The following CD63 variants were observed in gnomAD, a reference collection of about 807,000 sequenced individuals.
CD63 encodes the protein CD63 antigen.
In CD63, 16 loss-of-function variants were observed where a neutral mutation model predicts 29.2. The observed-to-expected ratio is 0.55, with a 90% CI of 0.37 to 0.83. The LOEUF (loss-of-function observed/expected upper bound fraction) is 0.83. Ranked by LOEUF, CD63 falls within the 40% of genes least tolerant of loss-of-function variation. The pLI is 0.00. For synonymous variants in CD63, 118 were observed against 111.7 expected, an observed-to-expected ratio of 1.06 and a Z score of -0.36; for missense variants, 251 against 297.3, an observed-to-expected ratio of 0.84 and a Z score of 1.15.
intron 2 of CD63, chr12:55,727,870 G>A: frequency 2.8e-6 from 3 of 1,072,988 alleles, no homozygotes; most frequent in Non-Finnish European, 3.4e-6. Context: ...TCACCCCCAA[G>A]CGCTGGGAGG....
chr12:55,726,189 CG>C lies in CD63; in HGVS notation c.498del (p.Asp167ThrfsTer33), dbSNP rs1565657843. 6.2e-7 allele frequency: 1 copy of C among 1,613,926 alleles called. No homozygotes were observed. Among genetic ancestry groups the C allele is most frequent in the Non-Finnish European group, 8.5e-7 (1 of 1,179,952 alleles). ...KIPSMSKNRV[P>X]DSCCINVTVG... ...ACAGTAACATTAATGCAGCAGGAGT[CG>C]GGGACTCGGTTCTTCGACATGGAAG... On this transcript the variant is annotated frameshift_variant, in exon 6 of 8. Transcript: ENST00000257857. LOFTEE classifies it high-confidence loss of function.
chr12:55,725,828 T>C lies in CD63; in HGVS notation c.636A>G (p.Gly212=), dbSNP rs1592528028. The part of the protein sequence containing the change: ...NVLVVAAAAL[G]IAFVEVLGIV... ...TATCTCTTACCTCGACAAAAGCAAT[T>C]CCAAGGGCTGCTGCAGCTACCACCA... is the stretch of plus-strand genomic sequence containing the variant. Residue 212 remains glycine, a synonymous_variant, in exon 7 of 8, where the codon GGA becomes GGG. Transcript: ENST00000257857. The C allele has an allele frequency of 1.2e-6, 2 of 1,613,840 alleles. No homozygotes were observed. Among genetic ancestry groups the C allele is most frequent in the Non-Finnish European group, 1.7e-6 (2 of 1,179,934 alleles).
chr12:55,727,475 T>C (rs1323309630), intron 2 of CD63, 136 bp from the exon 3 acceptor site: 13 of 1,199,896 alleles, frequency 1.1e-5, no homozygotes, highest in East Asian at 5.3e-5. Flanking sequence ...GGGAATTTCT[T>C]TGGCTGTGGG....
chr12:55,724,473 C>G (rs1877107041), downstream of CD63: 3 of 1,613,930 alleles, frequency 1.9e-6, no homozygotes, highest in Admixed American at 1.7e-5. Context: ...TGCCTGCCTC[C>G]TACCTGCCAG....
downstream of CD63, chr12:55,724,026 A>C (rs774648195): frequency 2.5e-6 from 4 of 1,611,928 alleles, 1 homozygote; most frequent in South Asian, 2.2e-5. Flanking sequence ...CAGGCCCACT[A>C]TGGGGGGGCC....
At chr12:55,726,385 A>G (rs938479124) in intron 5 of CD63, 124 bp from the exon 6 acceptor site, 1 of 887,778 alleles carries the variant, frequency 1.1e-6, no homozygotes, top group Non-Finnish European at 1.6e-6. Flanking sequence ...TCTGTTGCCC[A>G]GACAAGTGCC....
chr12:55,725,502 A>G lies in CD63; in HGVS notation c.*59T>C, dbSNP rs1006691422. ...TCTGAAAAAATAATCCGTTTAATTG[A>G]AAAACCTGGAGGATACTATTCCACT... On this transcript the variant is annotated 3_prime_UTR_variant, in exon 8 of 8. Transcript: ENST00000257857. 1 of 1,363,300 alleles carries G rather than the reference A, an allele frequency of 7.3e-7. No individual in the cohort carries two copies. Among genetic ancestry groups the G allele is most frequent in the African/African-American group, 1.4e-5 (1 of 69,740 alleles). The allele number at this position is 1,363,300 out of a possible 1,614,324, so 84.5% of individuals were successfully genotyped here. A position where few individuals can be genotyped will look rare whatever the true frequency, so the allele number is the denominator to read the frequency against.
downstream of CD63, chr12:55,724,278 G>A (rs376854849): frequency 1.9e-6 from 3 of 1,604,598 alleles, no homozygotes; most frequent in Non-Finnish European, 2.6e-6. Flanking sequence ...AGATGGGCTG[G>A]AGTGAGGAAG....
At chr12:55,723,995 G>A (rs778690681), downstream of CD63, 1 of 1,613,498 alleles carries the variant, frequency 6.2e-7, no homozygotes, top group South Asian at 1.1e-5. Flanking sequence ...GGCCTGCTGG[G>A]CACGGCTGCC....
At position 55,725,764 on chromosome 12, in the gene CD63, C is replaced by A. The variant is rs750833273; in HGVS notation, c.651+49G>T. ...CCCTCCTCCCCTCAGCCCCTTCCCT[C>A]CAGGCACCCTGGACAGAGTCCCAGC... On this transcript the variant is annotated intron_variant, in intron 7 of 7. Coordinates refer to ENST00000257857, the MANE Select transcript of CD63 (RefSeq NM_001780.6). The A allele has an allele frequency of 6.9e-6, 11 of 1,589,154 alleles. No individual in the cohort carries two copies. In the African/African-American group the frequency reaches 9.4e-5, roughly 14 times the overall value.
upstream of CD63, chr12:55,729,022 C>T (rs1877732254): frequency 1.0e-6 from 1 of 985,362 alleles, no homozygotes; most frequent in Non-Finnish European, 1.2e-6. Context: ...CTGCGCCCCC[C>T]GGCTCCCGCC....
Position 55,728,731 on chromosome 12 carries a change from C to T in CD63, c.-12+222G>A. ...CCCCGACCCCCGCCCCAGCCCCTTTCCCCTGGGCTCTGACCTCCCCGCCCA... is the reference window on the plus strand; with the variant it reads ...CCCCGACCCCCGCCCCAGCCCCTTTTCCCTGGGCTCTGACCTCCCCGCCCA... On this transcript the variant is annotated intron_variant, in intron 1 of 7. Coordinates refer to ENST00000257857, the MANE Select transcript of CD63 (RefSeq NM_001780.6). The surrounding 1 kb of genome is among the most constrained non-coding windows in gnomAD (Gnocchi z 4.8). 1 of 905,770 alleles carries T rather than the reference C, an allele frequency of 1.1e-6. No homozygotes were observed. The allele number at this position is 905,770 out of a possible 1,614,324, so 56.1% of individuals were successfully genotyped here.
At chr12:55,725,274 C>T (rs953876158), downstream of CD63, 3 of 486,502 alleles carry the variant, frequency 6.2e-6, no homozygotes, top group African/African-American at 3.9e-5. Flanking sequence ...GACTAGGGGG[C>T]AGAAAGCACC....
At chr12:55,725,306 C>T (rs1877182693), downstream of CD63, 1 of 544,522 alleles carries the variant, frequency 1.8e-6, no homozygotes, top group African/African-American at 1.9e-5. Context: ...ATCCTCACTT[C>T]TCCCACTGCC....
At chr12:55,725,180 C>T (rs536361251), downstream of CD63, 7 of 296,348 alleles carry the variant, frequency 2.4e-5, no homozygotes, top group East Asian at 1.8e-4. Flanking sequence ...GCTGGGCTCT[C>T]GCAGGTGGGA....
chr12:55,725,379 G>A lies in CD63; in HGVS notation c.*182C>T. On this transcript the variant is annotated 3_prime_UTR_variant, in exon 8 of 8. Transcript: ENST00000257857. ...AACACCCCCCAAAATAGACCTCGAAGTACACATGCATTAAGGTCCCAGAGG... is the reference window on the plus strand; with the variant it reads ...AACACCCCCCAAAATAGACCTCGAAATACACATGCATTAAGGTCCCAGAGG... 1.6e-6 allele frequency: 1 copy of A among 620,584 alleles called. No homozygotes were observed. The highest frequency in any genetic ancestry group is 2.9e-6 in the Non-Finnish European group (1 of 349,442). 38.4% of individuals were successfully genotyped at this position (620,584 alleles called of 1,614,324 possible). A position where few individuals can be genotyped will look rare whatever the true frequency, so the allele number is the denominator to read the frequency against.
intron 3 of CD63, 72 bp from the exon 4 acceptor site, chr12:55,727,036 C>T (rs1877469994): frequency 1.9e-6 from 3 of 1,572,184 alleles, no homozygotes; most frequent in African/African-American, 2.7e-5. Flanking sequence ...CACAGCCGGT[C>T]CCTGGACACT....
At position 55,728,144 on chromosome 12, in the gene CD63, T is replaced by A; in HGVS notation, c.66+132A>T. The A allele has an allele frequency of 1.1e-6, 1 of 895,354 alleles. No individual in the cohort carries two copies. The highest frequency in any genetic ancestry group is 1.8e-6 in the Non-Finnish European group (1 of 570,002). The allele number at this position is 895,354 out of a possible 1,614,324, so 55.5% of individuals were successfully genotyped here. ...AAACTGGAGGAGGGAGTGGCTGCGC[T>A]GTCTTTCCCTGGCTTTCTTTCCACA... On this transcript the variant is annotated intron_variant, in intron 2 of 7. Coordinates refer to ENST00000257857, the MANE Select transcript of CD63 (RefSeq NM_001780.6). This position sits in a 1 kb window ranked among gnomAD's most constrained non-coding sequence, Gnocchi z 4.8.
At position 55,725,517 on chromosome 12, in the gene CD63, A is replaced by G. The variant is rs761576474; in HGVS notation, c.*44T>C. On this transcript the variant is annotated 3_prime_UTR_variant, in exon 8 of 8. Transcript: ENST00000257857. ...CGTTTAATTGAAAAACCTGGAGGATACTATTCCACTCCCCCAGATGAGGAG... is the reference window on the plus strand; with the variant it reads ...CGTTTAATTGAAAAACCTGGAGGATGCTATTCCACTCCCCCAGATGAGGAG... 4.2e-6 allele frequency: 6 copies of G among 1,432,684 alleles called. No homozygotes were observed. Among genetic ancestry groups the G allele is most frequent in the Middle Eastern group, 1.8e-4 (1 of 5,502 alleles). The allele number at this position is 1,432,684 out of a possible 1,614,324, so 88.7% of individuals were successfully genotyped here. A position where few individuals can be genotyped will look rare whatever the true frequency, so the allele number is the denominator to read the frequency against.
Sources: gnomAD v4.1 joint callset for allele counts on GRCh38, gnomAD v4.1.1 for gene constraint, Gnocchi (gnomAD v3.1) non-coding constraint, MANE v1.5 for transcripts, NCBI Gene and HGNC (gene_info 2026-07-23, HGNC 2026-07-21) for gene names.